EXOC6B: variants seen among roughly 807,000 people sequenced by gnomAD.
The protein encoded by EXOC6B is SEC15 homolog B.
Under a neutral mutation model 113.5 loss-of-function variants are expected in EXOC6B, and 54 were observed. The observed-to-expected ratio is 0.48, with a 90% confidence interval of 0.38 to 0.60. The LOEUF (loss-of-function observed/expected upper bound fraction) is 0.60. Ranked by LOEUF, EXOC6B falls within the 20% of genes least tolerant of loss-of-function variation. The pLI is 0.00. For missense variants in EXOC6B, 797 were observed against 977.5 expected (o/e 0.82, Z 2.46); for synonymous variants, 357 against 339.0 (o/e 1.05, Z -0.58).
intron 16 of EXOC6B, among the ~76,000 whole-genome samples, chr2:72,483,405 A>C (rs1036710052): frequency 6.6e-6 from 1 of 152,208 alleles, no homozygotes; most frequent in Non-Finnish European, 1.5e-5. Flanking sequence ...CATGTTATCG[A>C]AATAAAAAAC....
chr2:72,300,423 A>T (rs1259623147), intron 20 of EXOC6B, among the ~76,000 whole-genome samples: 1 of 152,220 alleles, frequency 6.6e-6, no homozygotes, highest in Non-Finnish European at 1.5e-5. Flanking sequence ...TGCTAGCAGC[A>T]AGAATTTCAG....
At chr2:72,383,201 C>T (rs933738043) in intron 18 of EXOC6B, among the ~76,000 whole-genome samples, 1 of 152,046 alleles carries the variant, frequency 6.6e-6, no homozygotes, top group Non-Finnish European at 1.5e-5. Flanking sequence ...ACAGAGAAAA[C>T]AGAAAACCTA....
At chr2:72,198,611 G>A (rs1050169310) in intron 20 of EXOC6B, among the ~76,000 whole-genome samples, 2 of 152,102 alleles carry the variant, frequency 1.3e-5, no homozygotes, top group Non-Finnish European at 2.9e-5. Flanking sequence ...TAAATAGCAG[G>A]CCTTAGATAT....
chr2:72,475,779 A>AAC (rs1698703628), intron 17 of EXOC6B, among the ~76,000 whole-genome samples: 1 of 152,122 alleles, frequency 6.6e-6, no homozygotes, highest in Non-Finnish European at 1.5e-5. Context: ...GCAGGTGGAA[A>AAC]ACACACACAC....
intron 5 of EXOC6B, among the ~76,000 whole-genome samples, chr2:72,719,091 C>T (rs1335590152): frequency 1.3e-5 from 2 of 152,274 alleles, no homozygotes; most frequent in East Asian, 1.9e-4. Flanking sequence ...AACAGTGGGA[C>T]TCTGTAGCTT....
At chr2:72,421,863 C>T (rs1165625196) in intron 18 of EXOC6B, among the ~76,000 whole-genome samples, 4 of 152,208 alleles carry the variant, frequency 2.6e-5, no homozygotes, top group Non-Finnish European at 4.4e-5. Flanking sequence ...CTGCGTGCAG[C>T]GCTTGCGGGC....
intron 5 of EXOC6B, among the ~76,000 whole-genome samples, chr2:72,726,407 T>C (rs1680304250): frequency 6.6e-6 from 1 of 152,172 alleles, no homozygotes; most frequent in Admixed American, 6.5e-5. Context: ...TAAATACTTT[T>C]TTCAGAAATA....
At chr2:72,436,847 T>C (rs995990589) in intron 18 of EXOC6B, among the ~76,000 whole-genome samples, 21 of 152,160 alleles carry the variant, frequency 1.4e-4, no homozygotes, top group African/African-American at 4.1e-4. Flanking sequence ...GGTTAGATCA[T>C]GCTCCTTTAG....
chr2:72,618,302 G>A (rs748915420), intron 6 of EXOC6B, among the ~76,000 whole-genome samples: 1 of 152,122 alleles, frequency 6.6e-6, no homozygotes, highest in Non-Finnish European at 1.5e-5. Context: ...CCAGGAGGCG[G>A]AGGTTGCAGT....
chr2:72,391,711 T>C (rs987882648), intron 18 of EXOC6B, among the ~76,000 whole-genome samples: 1 of 152,204 alleles, frequency 6.6e-6, no homozygotes, highest in East Asian at 1.9e-4. Context: ...GTGTTCCACC[T>C]ATCTCATATG....
chr2:72,219,197 A>G (rs1303817291), intron 20 of EXOC6B, among the ~76,000 whole-genome samples: 2 of 152,126 alleles, frequency 1.3e-5, no homozygotes, highest in Admixed American at 6.5e-5. Context: ...TCAAGTGCCT[A>G]GCCATGTGTG....
intron 1 of EXOC6B, among the ~76,000 whole-genome samples, chr2:72,766,975 A>G (rs1683103587): frequency 6.7e-6 from 1 of 148,468 alleles, no homozygotes; most frequent in African/African-American, 2.5e-5. Flanking sequence ...AAAAAAAAGG[A>G]AAAAAAAAAT....
intron 6 of EXOC6B, among the ~76,000 whole-genome samples, chr2:72,653,875 T>C (rs981200007): frequency 2.0e-5 from 3 of 152,146 alleles, no homozygotes; most frequent in South Asian, 2.1e-4. Context: ...TATTAAGTAT[T>C]AATAACAACA....
chr2:72,760,144 T>C (rs1682655669), intron 1 of EXOC6B, among the ~76,000 whole-genome samples: 1 of 152,310 alleles, frequency 6.6e-6, no homozygotes, highest in East Asian at 1.9e-4. Flanking sequence ...CTTCCTCTCA[T>C]ATGCTCCTTC....
intron 20 of EXOC6B, among the ~76,000 whole-genome samples, chr2:72,241,384 G>A (rs1682304089): frequency 6.6e-6 from 1 of 152,098 alleles, no homozygotes; most frequent in Non-Finnish European, 1.5e-5. Flanking sequence ...TGGGACAATT[G>A]CAAAAGGTGC....
chr2:72,575,205 A>G (rs910910933), intron 7 of EXOC6B, among the ~76,000 whole-genome samples: 3 of 152,020 alleles, frequency 2.0e-5, no homozygotes, highest in Non-Finnish European at 4.4e-5. Flanking sequence ...GGTAAACTCT[A>G]CTCTTCCTTT....
At chr2:72,792,207 G>GA (rs1684712437) in intron 1 of EXOC6B, among the ~76,000 whole-genome samples, 1 of 152,200 alleles carries the variant, frequency 6.6e-6, no homozygotes, top group Non-Finnish European at 1.5e-5. Flanking sequence ...ACAGCACAGT[G>GA]AAAAAAATCT....
intron 20 of EXOC6B, among the ~76,000 whole-genome samples, chr2:72,327,401 G>A (rs1429404973): frequency 2.6e-5 from 4 of 151,886 alleles, no homozygotes; most frequent in African/African-American, 7.3e-5. Flanking sequence ...CATCTACTAC[G>A]AATACTCCCT....
In EXOC6B at chr2:72,339,995, A is replaced by G. The variant is rs146223277; in HGVS notation, c.2123-4975T>C. On this transcript the variant is annotated intron_variant, in intron 19 of 21. Transcript: ENST00000272427. ...TATTTCTAATAATCTTCACATTATA[A>G]TGAAGTTACCAGAGGGGAAAAAGGA... is the stretch of plus-strand genomic sequence containing the variant. Among the ~76,000 whole-genome samples the G allele has an allele frequency of 4.2e-3, 632 of 152,278 alleles. 6 individuals carry two copies. Among genetic ancestry groups the G allele is most frequent in the African/African-American group, 0.015 (609 of 41,570 alleles).
Sources: allele counts gnomAD v4.1 joint callset (sites outside exome capture counted in the v4.1 genomes callset), GRCh38; gene constraint gnomAD v4.1.1; transcripts MANE v1.5; gene names NCBI Gene and HGNC (gene_info 2026-07-23, HGNC 2026-07-21).